Variants in KRT84 observed in about 807,000 individuals in gnomAD.
KRT84 encodes keratin 84.
Under a neutral mutation model 49.0 loss-of-function variants are expected in KRT84, and 38 were observed. The observed-to-expected ratio is 0.78, with a 90% CI of 0.60 to 1.02. KRT84 has a LOEUF of 1.02. Ranked by LOEUF, KRT84 falls within the 50% of genes least tolerant of loss-of-function variation. The pLI is 0.00. For synonymous variants in KRT84, 334 were observed against 312.8 expected (o/e 1.07, Z -0.72); for missense variants, 860 against 788.6 (o/e 1.09, Z -1.08).
At position 52,377,995 on chromosome 12, in the gene KRT84, T is replaced by C. The variant is rs1160491186; in HGVS notation, c.*39A>G. On this transcript the variant is annotated 3_prime_UTR_variant, in exon 9 of 9. Coordinates refer to ENST00000257951, the MANE Select transcript of KRT84 (RefSeq NM_033045.4). ...GGGGCAGAAGCAGGAGCCGTGGAGC[T>C]GGTTCTTCTCTGGGCAGCAGCTGTC... 6.6e-6 allele frequency: 9 copies of C among 1,367,662 alleles called. No homozygotes were observed. Among genetic ancestry groups the C allele is most frequent in the Admixed American group, 3.5e-5 (1 of 28,366 alleles). The allele number at this position is 1,367,662 out of a possible 1,614,324, so 84.7% of individuals were successfully genotyped here.
At chr12:52,384,528 G>A (rs1312437630) in intron 1 of KRT84, among the ~76,000 whole-genome samples, 1 of 152,124 alleles carries the variant, frequency 6.6e-6, no homozygotes, top group Non-Finnish European at 1.5e-5. Context: ...TACCCCATGT[G>A]GGGGTATGAA....
intron 7 of KRT84, 111 bp from the exon 8 acceptor site, chr12:52,380,018 A>C: frequency 1.1e-6 from 1 of 928,324 alleles, no homozygotes; most frequent in Admixed American, 2.0e-5. Flanking sequence ...AGTAGTTCTC[A>C]CCCCTGGTTA....
rs767305118 is a variant in KRT84 at position 52,385,606 on chromosome 12, C to A, written c.-21G>T. ...GACATGATGGCTTCCTGGTTGGGAG[C>A]AAAAGAGCAAGTGTAGAATGGGTGA... is the stretch of plus-strand genomic sequence containing the variant. On this transcript the variant is annotated 5_prime_UTR_variant, in exon 1 of 9. Coordinates refer to ENST00000257951, the MANE Select transcript of KRT84 (RefSeq NM_033045.4). The A allele has an allele frequency of 9.3e-6, 15 of 1,606,088 alleles. No individual in the cohort carries two copies. In the South Asian group the frequency reaches 1.1e-4, roughly 12 times the overall value.
At position 52,377,973 on chromosome 12, in the gene KRT84, G is replaced by T. The variant is rs1939413668; in HGVS notation, c.*61C>A. On this transcript the variant is annotated 3_prime_UTR_variant, in exon 9 of 9. Transcript: ENST00000257951. ...AGCCCAGAGCCCACGAACCCTGGGG[G>T]CAGAAGCAGGAGCCGTGGAGCTGGT... The T allele has an allele frequency of 7.7e-7, 1 of 1,290,584 alleles. No individual in the cohort carries two copies. The highest frequency in any genetic ancestry group is 1.0e-6 in the Non-Finnish European group (1 of 983,760). The allele number at this position is 1,290,584 out of a possible 1,614,324, so 79.9% of individuals were successfully genotyped here.
chr12:52,383,861 G>C (rs905533511), intron 1 of KRT84, 63 bp from the exon 2 acceptor site: 13 of 1,383,696 alleles, frequency 9.4e-6, no homozygotes, highest in Non-Finnish European at 1.3e-5. Context: ...CCTTGACCAA[G>C]CTCTTGAGAT....
At position 52,383,028 on chromosome 12, in the gene KRT84, T is replaced by C. The variant is rs759721608; in HGVS notation, c.793A>G (p.Asn265Asp). 2.5e-5 allele frequency: 41 copies of C among 1,613,850 alleles called. 3 individuals carry two copies. Among genetic ancestry groups the C allele is most frequent in the Non-Finnish European group, 3.5e-5 (41 of 1,179,996 alleles). ...EEVVCRANAE[N>D]EFVALKKDVD... ...ACCTTCTTCAGAGCCACAAACTCAT[T>C]CTCAGCATTGGCCCGACATACCACT... The change falls in exon 3 of 9, where the codon AAT becomes GAT. Residue 265 changes from asparagine to aspartate, a missense_variant. Asn to Asp is a conservative substitution (Grantham distance 23). Transcript: ENST00000257951.
intron 6 of KRT84, 119 bp from the exon 7 acceptor site, chr12:52,380,702 C>T: frequency 9.5e-7 from 1 of 1,052,280 alleles, no homozygotes; most frequent in East Asian, 2.6e-5. Context: ...GGATGGACCC[C>T]ATGGTGGCTG....
chr12:52,379,800 C>T (rs1348692866), intron 8 of KRT84, 76 bp downstream of exon 8: 3 of 1,272,794 alleles, frequency 2.4e-6, no homozygotes, highest in Admixed American at 3.4e-5. Flanking sequence ...CGCCTCCTGA[C>T]CCCAGTGTGA....
Position 52,383,798 on chromosome 12 carries a change from C to G in KRT84, c.547G>C (p.Val183Leu), listed in dbSNP as rs1939528866. The G allele has an allele frequency of 6.2e-7, 1 of 1,610,604 alleles. No homozygotes were observed. The highest frequency in any genetic ancestry group is 8.5e-7 in the Non-Finnish European group (1 of 1,177,784). Residue 183 changes from valine to leucine, a missense_variant and splice_region_variant, in exon 2 of 9, where the codon GTT (valine) becomes CTT (leucine). Physicochemically the swap from Val to Leu is conservative, Grantham distance 32. Coordinates refer to ENST00000257951, the MANE Select transcript of KRT84 (RefSeq NM_033045.4). ...TTATTCTGCTGCTCTAGGAACCGAA[C>G]CTAAATCCACAGGGCACAGAAATGG... is the stretch of plus-strand genomic sequence containing the variant. ...NNKFASFIDK[V>L]RFLEQQNKLL...
Position 52,381,142 on chromosome 12 carries a change from T to A in KRT84, c.1141A>T (p.Ile381Phe). ...CDNLRNIRNEINELTRLIQRL... is the reference protein window; with the variant it reads ...CDNLRNIRNEFNELTRLIQRL... ...TGGATCAGGCGGGTCAGTTCGTTGA[T>A]CTCGTTCCGTATGTTGCGCAGGTTG... The change falls in exon 6 of 9, where the codon ATC becomes TTC. Residue 381 changes from isoleucine to phenylalanine, a missense_variant. Transcript: ENST00000257951. 6.2e-7 allele frequency: 1 copy of A among 1,614,144 alleles called. No individual in the cohort carries two copies. Among genetic ancestry groups the A allele is most frequent in the Non-Finnish European group, 8.5e-7 (1 of 1,180,022 alleles).
chr12:52,378,219 C>A lies in KRT84; in HGVS notation c.1618G>T (p.Ala540Ser). ...CGPSLGGARV[A>S]PATGDLLSTG... is the part of the protein sequence containing the mutation. Reference sequence around the variant, plus strand: ...CTCAGCAGGTCCCCAGTGGCCGGGGCGACCCGGGCTCCACCCAGGCTGGGG... The same window carrying A: ...CTCAGCAGGTCCCCAGTGGCCGGGGAGACCCGGGCTCCACCCAGGCTGGGG... Residue 540 changes from alanine to serine, a missense_variant, in exon 9 of 9, where the codon GCC becomes TCC. Transcript: ENST00000257951. The A allele has an allele frequency of 2.5e-6, 4 of 1,568,830 alleles. No individual in the cohort carries two copies. Among genetic ancestry groups the A allele is most frequent in the Admixed American group, 1.8e-5 (1 of 54,454 alleles).
rs914687774 is a variant in KRT84, at chr12:52,383,611, A to G, written c.734T>C (p.Val245Ala). Residue 245 changes from valine (V) to alanine (A), a missense_variant, in exon 2 of 9, where the codon GTC (valine) becomes GCC (alanine). Transcript: ENST00000257951. ...LQAERNHLQDVLEGFKKKYEE... is the reference protein window; with the variant it reads ...LQAERNHLQDALEGFKKKYEE... ...TCACTTCTTCTTGAAGCCCTCTAGGACATCCTGCAGGTGGTTCCTCTCAGC... is the reference window on the plus strand; with the variant it reads ...TCACTTCTTCTTGAAGCCCTCTAGGGCATCCTGCAGGTGGTTCCTCTCAGC... 31 of 1,613,218 alleles carry G rather than the reference A, an allele frequency of 1.9e-5. No individual in the cohort carries two copies. The highest frequency in any genetic ancestry group is 2.5e-5 in the Non-Finnish European group (30 of 1,180,016).
Position 52,378,239 on chromosome 12 carries a change from C to A in KRT84, c.1598G>T (p.Ser533Ile), listed in dbSNP as rs143783083. 51 of 1,564,828 alleles carry A rather than the reference C, an allele frequency of 3.3e-5. No individual in the cohort carries two copies. In the African/African-American group the frequency reaches 5.8e-4, roughly 18 times the overall value. ...TSGVLASCGPSLGGARVAPAT... is the reference protein window; with the variant it reads ...TSGVLASCGPILGGARVAPAT... ...CGGGGCGACCCGGGCTCCACCCAGG[C>A]TGGGGCCACAGGAAGCCAGGACCCC... The change falls in exon 9 of 9, where the codon AGC becomes ATC. Residue 533 changes from serine to isoleucine, a missense_variant. Coordinates refer to ENST00000257951, the MANE Select transcript of KRT84 (RefSeq NM_033045.4).
At chr12:52,383,566 C>T (rs748006415) in intron 2 of KRT84, 24 bp downstream of exon 2, 21 of 1,601,942 alleles carry the variant, frequency 1.3e-5, no homozygotes, top group Non-Finnish European at 3.4e-6. Context: ...TGTCACTGGT[C>T]TGTGCAGCTC....
At position 52,385,399 on chromosome 12, in the gene KRT84, G is replaced by A. The variant is rs202136631; in HGVS notation, c.187C>T (p.Pro63Ser). The A allele has an allele frequency of 1.5e-4, 237 of 1,614,194 alleles. 2 individuals carry two copies. In the Admixed American group the frequency reaches 3.8e-3, roughly 26 times the overall value. Residue 63 changes from proline (P) to serine (S), a missense_variant, in exon 1 of 9, where the codon CCC becomes TCC. Pro to Ser is a moderately conservative substitution (Grantham distance 74). Coordinates refer to ENST00000257951, the MANE Select transcript of KRT84 (RefSeq NM_033045.4). ...RSVITFGSYS[P>S]RIAAVGSRPI... ...CGAGAGCCTACAGCTGCTATCCGGGGTGAGTACGATCCAAAGGTGATGACA... is the reference window on the plus strand; with the variant it reads ...CGAGAGCCTACAGCTGCTATCCGGGATGAGTACGATCCAAAGGTGATGACA...
chr12:52,378,423 C>T, intron 8 of KRT84, 43 bp from the exon 9 acceptor site: 1 of 1,391,034 alleles, frequency 7.2e-7, no homozygotes, highest in Non-Finnish European at 9.4e-7. Flanking sequence ...GACACCAGGG[C>T]CCTCCACCTC....
At chr12:52,383,462 T>G in intron 2 of KRT84, 128 bp downstream of exon 2, 4 of 361,034 alleles carry the variant, frequency 1.1e-5, no homozygotes, top group East Asian at 5.8e-5. Context: ...CACCCCCACC[T>G]CCCCAGGCTT....
Position 52,381,173 on chromosome 12 carries a change from G to A in KRT84, c.1110C>T (p.His370=), listed in dbSNP as rs1286447933. Residue 370 remains histidine, a synonymous_variant, in exon 6 of 9, where the codon CAC becomes CAT. Transcript: ENST00000257951. ...YEEMQVTAGQ[H]CDNLRNIRNE... is the part of the protein sequence containing the mutation. ...TCCGTATGTTGCGCAGGTTGTCACA[G>A]TGTTGGCCAGCTGTCACCTGCATCT... 1 of 1,614,196 alleles carries A rather than the reference G, an allele frequency of 6.2e-7. No individual in the cohort carries two copies.
intron 2 of KRT84, 95 bp from the exon 3 acceptor site, chr12:52,383,160 T>TG (rs1939513174): frequency 1.5e-5 from 15 of 973,082 alleles, no homozygotes; most frequent in Non-Finnish European, 2.3e-5. Flanking sequence ...TCTCAGTCTG[T>TG]GCAGGATCAT....
Sources: allele counts gnomAD v4.1 joint callset (sites outside exome capture counted in the v4.1 genomes callset), GRCh38; gene constraint gnomAD v4.1.1; transcripts MANE v1.5; gene names NCBI Gene and HGNC (gene_info 2026-07-23, HGNC 2026-07-21).